The following RALGPS1 variants were observed in gnomAD, a reference collection of about 807,000 sequenced individuals.
RALGPS1 encodes Ral GEF with PH domain and SH3 binding motif 1.
Under a neutral mutation model 78.8 loss-of-function variants are expected in RALGPS1, and 19 were observed. That is an observed-to-expected ratio of 0.24 (90% CI 0.17 to 0.35). The LOEUF (loss-of-function observed/expected upper bound fraction) is 0.35. Among genes scored for constraint, RALGPS1 ranks in the 10% least tolerant of loss-of-function variants. The pLI is 1.00. For synonymous variants in RALGPS1, 228 were observed against 256.3 expected (o/e 0.89, Z 1.06); for missense variants, 454 against 688.3 (o/e 0.66, Z 3.81).
At chr9:126,943,687 G>A (rs1310671116) in intron 1 of RALGPS1, among the ~76,000 whole-genome samples, 2 of 152,106 alleles carry the variant, frequency 1.3e-5, no homozygotes, top group East Asian at 3.9e-4. Context: ...CACCTGGGGT[G>A]TGCCCTTTAC....
At chr9:127,034,155 C>CTGGCAGAGTGGCAG (rs1255964250) in intron 4 of RALGPS1, among the ~76,000 whole-genome samples, 8 of 152,210 alleles carry the variant, frequency 5.3e-5, no homozygotes, top group African/African-American at 1.9e-4. Context: ...CTTAGAGAAG[C>CTGGCAGAGTGGCAG]TGGCAGAGTG....
rs965209124 is a variant in RALGPS1 at position 127,213,112 on chromosome 9, C to T, written c.1552+63C>T. On this transcript the variant is annotated intron_variant, in intron 17 of 18. Transcript: ENST00000259351. ...TCTGCCCATTTCCTCTCTTGCACAG[C>T]GTGCATTTTGAAATTATTAGGAGCT... The T allele has an allele frequency of 2.9e-5, 47 of 1,593,254 alleles. No homozygotes were observed. In the African/African-American group the frequency reaches 5.2e-4, roughly 17 times the overall value.
chr9:127,070,316 A>T (rs963667426), intron 8 of RALGPS1, among the ~76,000 whole-genome samples: 1 of 152,210 alleles, frequency 6.6e-6, no homozygotes, highest in Non-Finnish European at 1.5e-5. Context: ...AGGAGTTGGG[A>T]ACCCCTGATT....
At chr9:127,173,878 T>C (rs906594776) in intron 10 of RALGPS1, among the ~76,000 whole-genome samples, 1 of 152,056 alleles carries the variant, frequency 6.6e-6, no homozygotes, top group Non-Finnish European at 1.5e-5. Context: ...CCAGGCATGG[T>C]GGCACACGCC....
chr9:126,941,091 G>A (rs1171321118), intron 1 of RALGPS1, among the ~76,000 whole-genome samples: 5 of 151,290 alleles, frequency 3.3e-5, no homozygotes, highest in Non-Finnish European at 7.4e-5. Context: ...TTTAAAACAT[G>A]TTCAAGTGTC....
chr9:126,997,027 G>A lies in RALGPS1; in HGVS notation c.216+19282G>A, dbSNP rs1247128743. On this transcript the variant is annotated intron_variant, in intron 4 of 18. Transcript: ENST00000259351. ...TCAATAAATTAGATATTGATGGGAC[G>A]TATCTCAAAATAATAAGAGCTATCT... is the stretch of plus-strand genomic sequence containing the variant. Among the ~76,000 whole-genome samples the A allele has an allele frequency of 6.6e-5, 10 of 152,226 alleles. 1 individual carries two copies. The highest frequency in any genetic ancestry group is 5.8e-4 in the East Asian group (3 of 5,182).
chr9:127,003,339 A>C (rs976170465), intron 4 of RALGPS1, among the ~76,000 whole-genome samples: 14 of 152,078 alleles, frequency 9.2e-5, no homozygotes, highest in Non-Finnish European at 1.9e-4. Context: ...TCTACAATGA[A>C]CTCAAACAAA....
At chr9:126,931,465 G>A (rs2035782259) in intron 1 of RALGPS1, among the ~76,000 whole-genome samples, 1 of 152,212 alleles carries the variant, frequency 6.6e-6, no homozygotes, top group African/African-American at 2.4e-5. Context: ...ACTGTTTCAT[G>A]CCTAATATGG....
intron 4 of RALGPS1, among the ~76,000 whole-genome samples, chr9:126,979,025 C>A (rs2040958651): frequency 1.3e-5 from 2 of 152,136 alleles, no homozygotes; most frequent in Non-Finnish European, 2.9e-5. Flanking sequence ...AGTGCTGCAA[C>A]TAGGGTGTGA....
chr9:127,089,544 T>C (rs2052200080), intron 8 of RALGPS1, among the ~76,000 whole-genome samples: 1 of 152,094 alleles, frequency 6.6e-6, no homozygotes, highest in Non-Finnish European at 1.5e-5. Flanking sequence ...TGGCCTGAGG[T>C]GGGCGGGGAG....
intron 4 of RALGPS1, among the ~76,000 whole-genome samples, chr9:127,011,422 G>A (rs1241391916): frequency 1.3e-5 from 2 of 152,042 alleles, no homozygotes; most frequent in African/African-American, 4.8e-5. Flanking sequence ...CAGGTGATCC[G>A]CCGCCTTGGA....
intron 1 of RALGPS1, among the ~76,000 whole-genome samples, chr9:126,940,746 G>T (rs1261699008): frequency 6.6e-6 from 1 of 151,290 alleles, no homozygotes; most frequent in Non-Finnish European, 1.5e-5. Flanking sequence ...TGCTTTCTCG[G>T]CATGGTTGTA....
intron 7 of RALGPS1, among the ~76,000 whole-genome samples, chr9:127,054,996 T>TGAGAGAGAGAGAGAGAGAGAGA (rs10555826): frequency 2.2e-5 from 3 of 139,114 alleles, no homozygotes; most frequent in African/African-American, 5.5e-5. Flanking sequence ...AGAGATTGAT[T>TGAGAGAGAGAGAGAGAGAGAGA]GAGAGAGAGA....
chr9:127,062,666 T>C (rs1451401078), intron 7 of RALGPS1, among the ~76,000 whole-genome samples: 1 of 152,212 alleles, frequency 6.6e-6, no homozygotes, highest in African/African-American at 2.4e-5. Flanking sequence ...ACAGGAATTA[T>C]TTATATTACT....
At chr9:127,202,922 G>C (rs2061721028) in intron 14 of RALGPS1, among the ~76,000 whole-genome samples, 1 of 152,028 alleles carries the variant, frequency 6.6e-6, no homozygotes, top group South Asian at 2.1e-4. Context: ...GCGGCCGCAG[G>C]GCATTCAGTT....
At chr9:127,142,357 A>G (rs1000584314) in intron 8 of RALGPS1, among the ~76,000 whole-genome samples, 3 of 152,138 alleles carry the variant, frequency 2.0e-5, no homozygotes, top group Admixed American at 6.5e-5. Flanking sequence ...CTATGCTGCG[A>G]GTGGTCTGTG....
At chr9:127,206,239 G>T (rs1588558557) in intron 14 of RALGPS1, among the ~76,000 whole-genome samples, 1 of 152,252 alleles carries the variant, frequency 6.6e-6, no homozygotes. Flanking sequence ...TGGACTTGAG[G>T]CTGGGGCTCT....
At chr9:127,165,994 C>A in intron 8 of RALGPS1, 75 bp from the exon 9 acceptor site, 2 of 1,491,704 alleles carry the variant, frequency 1.3e-6, no homozygotes, top group South Asian at 1.4e-5. Flanking sequence ...TTTAGCAGAT[C>A]AGTACTATTT....
chr9:127,205,329 A>G lies in RALGPS1; in HGVS notation c.1247+6263A>G, dbSNP rs2061874331. 6.6e-6 allele frequency among the ~76,000 whole-genome samples: 1 copy of G among 152,006 alleles called. No individual in the cohort carries two copies. The highest frequency in any genetic ancestry group is 2.4e-5 in the African/African-American group (1 of 41,384). On this transcript the variant is annotated intron_variant, in intron 14 of 18. Transcript: ENST00000259351. This position sits in a 1 kb window ranked among gnomAD's most constrained non-coding sequence, Gnocchi z 4.0. Reference sequence around the variant, plus strand: ...CCTCTGGGTGGCAGCCCAGTTAGAAAATTTGCCAGCTTCTGATTTGGGTTT... The same window carrying G: ...CCTCTGGGTGGCAGCCCAGTTAGAAGATTTGCCAGCTTCTGATTTGGGTTT...
Sources: allele counts gnomAD v4.1 joint callset (sites outside exome capture counted in the v4.1 genomes callset), GRCh38; gene constraint gnomAD v4.1.1; non-coding constraint Gnocchi (gnomAD v3.1); transcripts MANE v1.5; gene names NCBI Gene and HGNC (gene_info 2026-07-23, HGNC 2026-07-21).